The following NFATC3 variants were observed in gnomAD, a reference collection of about 807,000 sequenced individuals.
The protein encoded by NFATC3 is nuclear factor of activated T cells 3, also known as nuclear factor of activated T-cells, cytoplasmic 3.
In NFATC3, 46 loss-of-function variants were observed where a neutral mutation model predicts 98.6. That is an observed-to-expected ratio of 0.47 (90% CI 0.37 to 0.60). NFATC3 has a LOEUF of 0.60. Among genes scored for constraint, NFATC3 ranks in the 20% least tolerant of loss-of-function variants. The pLI is 0.00. For missense variants in NFATC3, 1,256 were observed against 1,295.5 expected (o/e 0.97, Z 0.47); for synonymous variants, 512 against 472.2 (o/e 1.08, Z -1.09).
intron 9 of NFATC3, among the ~76,000 whole-genome samples, chr16:68,193,059 C>T (rs1323483987): frequency 6.6e-6 from 1 of 151,980 alleles, no homozygotes; most frequent in African/African-American, 2.4e-5. Context: ...TGGATGGTTG[C>T]ATCTGTATTG....
chr16:68,107,638 A>C (rs2035731014), intron 1 of NFATC3, among the ~76,000 whole-genome samples: 1 of 152,116 alleles, frequency 6.6e-6, no homozygotes. Context: ...CAGGAGAATC[A>C]CTTGAACCCA....
At chr16:68,206,121 T>C (rs2041134261) in intron 9 of NFATC3, among the ~76,000 whole-genome samples, 1 of 152,170 alleles carries the variant, frequency 6.6e-6, no homozygotes, top group African/African-American at 2.4e-5. Flanking sequence ...TCCAGATTTA[T>C]AAATTTTAAA....
At chr16:68,134,242 A>C (rs1054463773) in intron 3 of NFATC3, among the ~76,000 whole-genome samples, 1 of 152,032 alleles carries the variant, frequency 6.6e-6, no homozygotes, top group Non-Finnish European at 1.5e-5. Context: ...ACCCATTGCA[A>C]CCTCAAACTC....
intron 3 of NFATC3, among the ~76,000 whole-genome samples, chr16:68,133,949 GTAGT>G (rs2037255264): frequency 6.6e-6 from 1 of 151,668 alleles, no homozygotes; most frequent in African/African-American, 2.4e-5. Flanking sequence ...GTCTGGGAGT[GTAGT>G]TACTGATTTT....
chr16:68,188,985 G>T (rs913287079), intron 8 of NFATC3, among the ~76,000 whole-genome samples: 2 of 152,170 alleles, frequency 1.3e-5, no homozygotes, highest in Non-Finnish European at 2.9e-5. Context: ...TGGGATTACA[G>T]GTGTGAGCCA....
chr16:68,201,945 G>A, intron 9 of NFATC3, among the ~76,000 whole-genome samples: 1 of 107,810 alleles, frequency 9.3e-6, no homozygotes, highest in Non-Finnish European at 1.7e-5. Flanking sequence ...GCAACAGAGT[G>A]AGACTCCATC....
At chr16:68,219,214 C>A (rs1018623391) in intron 9 of NFATC3, among the ~76,000 whole-genome samples, 5 of 151,820 alleles carry the variant, frequency 3.3e-5, no homozygotes, top group African/African-American at 1.2e-4. Context: ...AACCCCGCCT[C>A]TACTAAAATA....
At chr16:68,135,063 T>C (rs2037318367) in intron 3 of NFATC3, among the ~76,000 whole-genome samples, 1 of 152,274 alleles carries the variant, frequency 6.6e-6, no homozygotes, top group South Asian at 2.1e-4. Context: ...TCTCATTTTT[T>C]GGGGTTTTAC....
chr16:68,208,531 G>A (rs2041242920), intron 9 of NFATC3, among the ~76,000 whole-genome samples: 1 of 152,004 alleles, frequency 6.6e-6, no homozygotes, highest in Non-Finnish European at 1.5e-5. Context: ...GCTAACGTGG[G>A]CCCACCTGGC....
At chr16:68,102,168 G>C (rs1403165928) in intron 1 of NFATC3, among the ~76,000 whole-genome samples, 1 of 151,854 alleles carries the variant, frequency 6.6e-6, no homozygotes, top group East Asian at 1.9e-4. Context: ...TTAGGAGTTA[G>C]AGACTAGCCT....
At chr16:68,224,196 G>GT (rs2041965520) in intron 9 of NFATC3, among the ~76,000 whole-genome samples, 2 of 146,244 alleles carry the variant, frequency 1.4e-5, no homozygotes, top group African/African-American at 5.0e-5. Context: ...AATCTTCACT[G>GT]TTTTGCAGAG....
At chr16:68,188,360 G>A (rs2040301450) in intron 8 of NFATC3, among the ~76,000 whole-genome samples, 1 of 152,210 alleles carries the variant, frequency 6.6e-6, no homozygotes, top group Admixed American at 6.5e-5. Flanking sequence ...CAAGAGCGCA[G>A]GGATGCCCGG....
Position 68,228,597 on chromosome 16 carries a change from T to G in NFATC3, c.*2126T>G, listed in dbSNP as rs2042080473. The G allele has an allele frequency of 6.5e-6, 1 of 152,690 alleles. No homozygotes were observed. Among genetic ancestry groups the G allele is most frequent in the Non-Finnish European group, 1.5e-5 (1 of 68,050 alleles). 9.5% of individuals were successfully genotyped at this position (152,690 alleles called of 1,614,324 possible). ...TTAAATTTTAAAATAGAGCTTTGTATACTATGTAAGCAGTTTTATATCAGC... is the reference window on the plus strand; with the variant it reads ...TTAAATTTTAAAATAGAGCTTTGTAGACTATGTAAGCAGTTTTATATCAGC... On this transcript the variant is annotated 3_prime_UTR_variant, in exon 10 of 10. Coordinates refer to ENST00000346183, the MANE Select transcript of NFATC3 (RefSeq NM_173165.3).
chr16:68,189,605 G>T (rs758453277), intron 8 of NFATC3, among the ~76,000 whole-genome samples: 1 of 152,054 alleles, frequency 6.6e-6, no homozygotes, highest in African/African-American at 2.4e-5. Flanking sequence ...GAGTGTTGTC[G>T]TCTTAGCAAT....
At position 68,098,271 on chromosome 16, in the gene NFATC3, CTAT is replaced by C. The variant is rs1314480778; in HGVS notation, c.103+12516_103+12518del. Among the ~76,000 whole-genome samples, 715 of 123,296 alleles carry C rather than the reference CTAT, an allele frequency of 5.8e-3. 38 individuals are homozygous for C. Among genetic ancestry groups the C allele is most frequent in the Middle Eastern group, 0.018 (4 of 226 alleles). The allele number at this position is 123,296 out of a possible 152,430, so 80.9% of individuals were successfully genotyped here. A position where few individuals can be genotyped will look rare whatever the true frequency, so the allele number is the denominator to read the frequency against. On this transcript the variant is annotated intron_variant, in intron 1 of 9. Transcript: ENST00000346183. The stretch of plus-strand genomic sequence containing the variant: ...GGTAGATGTACATTTAACTTTTTGT[CTAT>C]TATTATTATTATTATTATTATTATT...
Position 68,191,129 on chromosome 16 carries a change from T to C in NFATC3, c.2460T>C (p.Asn820=), listed in dbSNP as rs2040406893. Residue 820 remains asparagine (N), a synonymous_variant, in exon 9 of 10, where the codon AAT becomes AAC. Transcript: ENST00000346183. ...ATGGACCAACTTGTCTTCCTATTAA[T>C]GCTGCCTCTAGTCAAGAATTTGATT... The part of the protein sequence containing the change: ...VYNGPTCLPI[N]AASSQEFDSV... 20 of 1,614,244 alleles carry C rather than the reference T, an allele frequency of 1.2e-5. No individual in the cohort carries two copies. Among genetic ancestry groups the C allele is most frequent in the Non-Finnish European group, 1.7e-5 (20 of 1,180,044 alleles).
chr16:68,175,980 T>A (rs976840237), intron 6 of NFATC3, among the ~76,000 whole-genome samples: 3 of 152,086 alleles, frequency 2.0e-5, no homozygotes, highest in Non-Finnish European at 4.4e-5. Flanking sequence ...GAATTGACCC[T>A]TGCTTTTCTT....
intron 1 of NFATC3, among the ~76,000 whole-genome samples, chr16:68,095,039 G>C (rs888088077): frequency 2.0e-5 from 3 of 152,092 alleles, no homozygotes; most frequent in African/African-American, 7.2e-5. Context: ...GGATATGGTT[G>C]GCTTCCCCAA....
intron 6 of NFATC3, 59 bp from the exon 7 acceptor site, chr16:68,181,416 T>A: frequency 1.6e-6 from 2 of 1,269,752 alleles, no homozygotes; most frequent in Non-Finnish European, 2.3e-6. Context: ...TGCATTAGAT[T>A]TTGTCTGTAT....
Sources: gnomAD v4.1 joint callset for allele counts (sites outside exome capture counted in the v4.1 genomes callset) on GRCh38, gnomAD v4.1.1 for gene constraint, MANE v1.5 for transcripts, NCBI Gene and HGNC (gene_info 2026-07-23, HGNC 2026-07-21) for gene names.